CFAP61: variants seen among roughly 807,000 people sequenced by gnomAD.
The protein encoded by CFAP61 is cilia- and flagella-associated protein 61.
Under a neutral mutation model 135.6 loss-of-function variants are expected in CFAP61, and 107 were observed. That is an observed-to-expected ratio of 0.79 (90% CI 0.67 to 0.93). The LOEUF is 0.93. CFAP61 is among the 40% of genes least tolerant of loss of function. The pLI is 0.00. For missense variants in CFAP61, 1,507 were observed against 1,556.2 expected (o/e 0.97, Z 0.53); for synonymous variants, 575 against 578.5 (o/e 0.99, Z 0.09).
intron 26 of CFAP61, among the ~76,000 whole-genome samples, chr20:20,357,627 G>T (rs200675639): frequency 1.1e-3 from 6 of 5,558 alleles, no homozygotes; most frequent in Non-Finnish European, 2.8e-3. Context: ...AGAGGAGGTG[G>T]TCACACTGAG....
intron 18 of CFAP61, among the ~76,000 whole-genome samples, chr20:20,237,684 CT>C (rs2049704881): frequency 6.6e-6 from 1 of 152,178 alleles, no homozygotes; most frequent in African/African-American, 2.4e-5. Context: ...CCCATAACTC[CT>C]TAATATCATC....
At chr20:20,180,347 CTG>C (rs2054968489) in intron 13 of CFAP61, among the ~76,000 whole-genome samples, 1 of 146,136 alleles carries the variant, frequency 6.8e-6, no homozygotes, top group Non-Finnish European at 1.5e-5. Flanking sequence ...AAAAAAAAAA[CTG>C]GGCACAGAAC....
At chr20:20,079,385 G>A (rs987379571) in intron 6 of CFAP61, among the ~76,000 whole-genome samples, 5 of 152,144 alleles carry the variant, frequency 3.3e-5, no homozygotes, top group South Asian at 2.1e-4. Context: ...TGCAGTGAGC[G>A]GAATAAATGG....
At chr20:20,162,718 G>A (rs545618638) in intron 10 of CFAP61, among the ~76,000 whole-genome samples, 46 of 152,262 alleles carry the variant, frequency 3.0e-4, no homozygotes, top group Admixed American at 2.8e-3. Flanking sequence ...TATCTCAAAC[G>A]CCTGATCATT....
chr20:20,073,159 A>C (rs868268690), intron 3 of CFAP61, among the ~76,000 whole-genome samples: 1 of 152,256 alleles, frequency 6.6e-6, no homozygotes, highest in Non-Finnish European at 1.5e-5. Context: ...AATAAGCCAT[A>C]TGCTCCTGAG....
intron 17 of CFAP61, among the ~76,000 whole-genome samples, chr20:20,205,982 G>A (rs1013899437): frequency 6.6e-6 from 1 of 150,442 alleles, no homozygotes; most frequent in Non-Finnish European, 1.5e-5. Context: ...AGTAACTACA[G>A]GTTTATTTTT....
chr20:20,067,513 G>C (rs2146557802), intron 2 of CFAP61, among the ~76,000 whole-genome samples: 1 of 151,470 alleles, frequency 6.6e-6, no homozygotes, highest in Middle Eastern at 3.4e-3. Flanking sequence ...GTTGTGGCAG[G>C]CATCTGTAGT....
At chr20:20,109,937 G>A (rs185940116) in intron 8 of CFAP61, among the ~76,000 whole-genome samples, 2,071 of 148,132 alleles carry the variant, frequency 0.014, 47 homozygotes, top group African/African-American at 0.049. Flanking sequence ...ACGGAGTCTC[G>A]CTCTTGTTGC....
chr20:20,137,933 T>G (rs1408726185), intron 8 of CFAP61, among the ~76,000 whole-genome samples: 1 of 152,190 alleles, frequency 6.6e-6, no homozygotes, highest in Non-Finnish European at 1.5e-5. Context: ...TGCTGCTGAT[T>G]ATTCAGGGCC....
intron 11 of CFAP61, among the ~76,000 whole-genome samples, chr20:20,165,116 C>CT (rs2053720613): frequency 6.6e-6 from 1 of 152,208 alleles, no homozygotes; most frequent in Non-Finnish European, 1.5e-5. Context: ...TACTTCCCTG[C>CT]TGTTGGACCC....
intron 25 of CFAP61, among the ~76,000 whole-genome samples, chr20:20,300,848 C>T (rs1171485341): frequency 6.6e-6 from 1 of 152,064 alleles, no homozygotes; most frequent in Admixed American, 6.6e-5. Context: ...TCAGGTGATC[C>T]ACCCGCCTCC....
rs569455548 is a variant in CFAP61, at chr20:20,071,110, TC to T, written c.294+107del. ...GTTTTGTACTGAGCAGTATATGACATCATGACAGTTAAAAGTGAAGGGAGCT... is the reference window on the plus strand; with the variant it reads ...GTTTTGTACTGAGCAGTATATGACATATGACAGTTAAAAGTGAAGGGAGCT... On this transcript the variant is annotated intron_variant, in intron 3 of 26. Coordinates refer to ENST00000245957, the MANE Select transcript of CFAP61 (RefSeq NM_015585.4). The T allele has an allele frequency of 1.4e-4, 159 of 1,126,180 alleles. 2 individuals are homozygous for T. The South Asian group carries it at 2.4e-3, about 17-fold the overall frequency. The allele number at this position is 1,126,180 out of a possible 1,614,324, so 69.8% of individuals were successfully genotyped here.
chr20:20,277,549 T>A, intron 22 of CFAP61, 91 bp downstream of exon 22: 12 of 1,347,612 alleles, frequency 8.9e-6, no homozygotes, highest in Non-Finnish European at 1.2e-5. Flanking sequence ...GGGCAGTGAA[T>A]TTGTAGTACC....
chr20:20,199,627 T>C lies in CFAP61; in HGVS notation c.1798-141T>C, dbSNP rs116327875. The C allele has an allele frequency of 2.6e-4, 207 of 786,948 alleles. No homozygotes were observed. In the African/African-American group the frequency reaches 3.5e-3, roughly 13 times the overall value. The allele number at this position is 786,948 out of a possible 1,614,324, so 48.7% of individuals were successfully genotyped here. On this transcript the variant is annotated intron_variant, in intron 16 of 26. Coordinates refer to ENST00000245957, the MANE Select transcript of CFAP61 (RefSeq NM_015585.4). ...AATTCATTCCTCTGCTCGAAGAGTA[T>C]GTTTGTTTATTTGCTGATTTTTTTT...
intron 25 of CFAP61, among the ~76,000 whole-genome samples, chr20:20,305,573 C>T (rs2056423344): frequency 6.6e-6 from 1 of 152,186 alleles, no homozygotes; most frequent in Non-Finnish European, 1.5e-5. Context: ...CAATATCCGC[C>T]TCATCCCTCA....
intron 21 of CFAP61, among the ~76,000 whole-genome samples, chr20:20,266,760 G>A (rs1189731309): frequency 6.6e-6 from 1 of 152,196 alleles, no homozygotes; most frequent in African/African-American, 2.4e-5. Context: ...GGAGTCACGT[G>A]ACTTGGGTTC....
intron 8 of CFAP61, among the ~76,000 whole-genome samples, chr20:20,115,042 A>G (rs569178352): frequency 1.7e-4 from 26 of 152,158 alleles, no homozygotes; most frequent in African/African-American, 5.5e-4. Context: ...TGACTTTTTT[A>G]TGTATTTATT....
chr20:20,231,779 A>G (rs1202166317), intron 18 of CFAP61, among the ~76,000 whole-genome samples: 2 of 152,228 alleles, frequency 1.3e-5, no homozygotes, highest in Non-Finnish European at 2.9e-5. Flanking sequence ...GCATTGAGGA[A>G]GAAAACACCA....
intron 9 of CFAP61, among the ~76,000 whole-genome samples, chr20:20,154,219 G>T (rs1159884457): frequency 6.6e-6 from 1 of 151,922 alleles, no homozygotes; most frequent in Non-Finnish European, 1.5e-5. Context: ...AGTAATAAAA[G>T]CCATCTATGA....
Sources: allele counts gnomAD v4.1 joint callset (sites outside exome capture counted in the v4.1 genomes callset), GRCh38; gene constraint gnomAD v4.1.1; transcripts MANE v1.5; gene names NCBI Gene and HGNC (gene_info 2026-07-23, HGNC 2026-07-21).